SRPRB: variants seen among roughly 807,000 people sequenced by gnomAD.
SRPRB encodes the protein signal recognition particle receptor subunit beta.
Under a neutral mutation model 31.9 loss-of-function variants are expected in SRPRB, and 20 were observed. The ratio of observed to expected loss-of-function variants is 0.63; its 90% CI spans 0.44 to 0.91. The LOEUF (loss-of-function observed/expected upper bound fraction) is 0.91, where lower values mean the gene tolerates loss of function less well. SRPRB is among the 40% of genes least tolerant of loss of function. SRPRB has a pLI of 0.00. For synonymous variants in SRPRB, 146 were observed against 132.8 expected, an observed-to-expected ratio of 1.10 and a Z score of -0.68; for missense variants, 321 against 324.9, an observed-to-expected ratio of 0.99 and a Z score of 0.09.
At chr3:133,819,350 A>ACGCC in intron 6 of SRPRB, among the ~76,000 whole-genome samples, 1 of 146,258 alleles carries the variant, frequency 6.8e-6, no homozygotes, top group South Asian at 2.3e-4. Context: ...GTGAGGTCTG[A>ACGCC]CCCCCCCAGC....
At chr3:133,815,277 A>T (rs1174435341) in intron 4 of SRPRB, among the ~76,000 whole-genome samples, 1 of 152,086 alleles carries the variant, frequency 6.6e-6, no homozygotes, top group Non-Finnish European at 1.5e-5. Flanking sequence ...CTTTCTCTTT[A>T]TTCCTGTTAC....
At chr3:133,792,414 T>C (rs1934863295) in intron 1 of SRPRB, 1 of 152,240 alleles carries the variant, frequency 6.6e-6, no homozygotes, top group East Asian at 1.9e-4. Context: ...AAATGCTTCA[T>C]AAAATGCCAC....
chr3:133,828,191 T>C (rs1283833756), downstream of SRPRB: 10 of 577,026 alleles, frequency 1.7e-5, no homozygotes, highest in Non-Finnish European at 3.1e-5. Context: ...ACTCTGGCCA[T>C]GGAAAGACAA....
chr3:133,819,414 G>T, intron 6 of SRPRB, 139 bp from the exon 7 acceptor site: 1 of 596,250 alleles, frequency 1.7e-6, no homozygotes, highest in Non-Finnish European at 2.7e-6. Context: ...AAATGCAAAG[G>T]ATTATTCAAC....
chr3:133,807,769 C>G lies in SRPRB; in HGVS notation c.273C>G (p.Asp91Glu), dbSNP rs373071143. Residue 91 changes from aspartate (D) to glutamate (E), a missense_variant, in exon 3 of 7, where the codon GAC becomes GAG. Transcript: ENST00000678299. ...FVRLLTGLYRDTQTSITDSCA... is the reference protein window; with the variant it reads ...FVRLLTGLYRETQTSITDSCA... ...AGTTGTTAACAGGCCTTTATAGAGA[C>G]ACTCAGACGTCCATTACTGACAGCT... 4.3e-6 allele frequency: 7 copies of G among 1,612,496 alleles called. No individual in the cohort carries two copies. The African/African-American group carries it at 6.7e-5, about 15-fold the overall frequency.
chr3:133,822,640 T>G (rs1421778807), downstream of SRPRB, among the ~76,000 whole-genome samples: 1 of 152,238 alleles, frequency 6.6e-6, no homozygotes, highest in Non-Finnish European at 1.5e-5. Context: ...CTGCCTTGTA[T>G]GAAGCGCTGG....
At chr3:133,799,592 C>T (rs1037751253) in intron 1 of SRPRB, among the ~76,000 whole-genome samples, 7 of 151,708 alleles carry the variant, frequency 4.6e-5, no homozygotes, top group Non-Finnish European at 8.8e-5. Context: ...AGATCTATTA[C>T]CTCAATTACT....
At chr3:133,816,850 C>T in intron 5 of SRPRB, 28 bp from the exon 6 acceptor site, 1 of 1,591,042 alleles carries the variant, frequency 6.3e-7, no homozygotes, top group Non-Finnish European at 8.6e-7. Flanking sequence ...CTCGTTTAAA[C>T]TACAACAGTG....
intron 1 of SRPRB, chr3:133,788,198 C>T (rs927596988): frequency 4.6e-5 from 7 of 152,204 alleles, no homozygotes; most frequent in African/African-American, 1.7e-4. Flanking sequence ...CATATACTCT[C>T]CAACAGAGTA....
intron 2 of SRPRB, 68 bp from the exon 3 acceptor site, chr3:133,807,678 G>C (rs1364674173): frequency 9.4e-7 from 1 of 1,063,438 alleles, no homozygotes; most frequent in Non-Finnish European, 1.5e-6. Context: ...GGGAGACTTA[G>C]AATAATATAA....
intron 1 of SRPRB, among the ~76,000 whole-genome samples, chr3:133,800,487 G>A (rs147333002): frequency 5.1e-3 from 779 of 152,292 alleles, no homozygotes; most frequent in Middle Eastern, 0.02. Flanking sequence ...TAAGGGACTG[G>A]AGGGAGCTGC....
At chr3:133,806,050 C>T (rs1448606560) in intron 1 of SRPRB, 48 bp downstream of exon 1, 7 of 1,589,560 alleles carry the variant, frequency 4.4e-6, no homozygotes, top group African/African-American at 4.0e-5. Flanking sequence ...GGCAGAGGTC[C>T]GGGCTTTGGC....
At chr3:133,817,871 A>C (rs1935393887) in intron 6 of SRPRB, among the ~76,000 whole-genome samples, 2 of 152,220 alleles carry the variant, frequency 1.3e-5, no homozygotes, top group Admixed American at 1.3e-4. Context: ...GGTAGAATCT[A>C]GTCAGCTTCG....
At chr3:133,802,688 TC>T (rs1174212007), upstream of SRPRB, among the ~76,000 whole-genome samples, 1 of 152,212 alleles carries the variant, frequency 6.6e-6, no homozygotes, top group Non-Finnish European at 1.5e-5. Context: ...TGGGTTCCTT[TC>T]CTCATTCTTC....
Position 133,816,907 on chromosome 3 carries a change from A to G in SRPRB, c.577A>G (p.Ile193Val). 1 of 1,611,296 alleles carries G rather than the reference A, an allele frequency of 6.2e-7. No individual in the cohort carries two copies. The highest frequency in any genetic ancestry group is 1.1e-5 in the South Asian group (1 of 90,382). ...DIAMAKSAKL[I>V]QQQLEKELNT... is the part of the protein sequence containing the mutation. The stretch of plus-strand genomic sequence containing the variant: ...TGCAATGGCAAAATCAGCAAAGTTA[A>G]TTCAACAGCAGCTGGAGAAAGAACT... Residue 193 changes from isoleucine (I) to valine (V), a missense_variant, in exon 6 of 7, where the codon ATT (isoleucine) becomes GTT (valine). Physicochemically the swap from Ile to Val is conservative, Grantham distance 29. Transcript: ENST00000678299.
At chr3:133,806,777 C>A in intron 2 of SRPRB, 74 bp downstream of exon 2, 2 of 1,160,268 alleles carry the variant, frequency 1.7e-6, no homozygotes, top group African/African-American at 1.5e-5. Flanking sequence ...TGTCATCTCA[C>A]GGTTTATTTT....
At chr3:133,806,780 T>C (rs1047645015) in intron 2 of SRPRB, 77 bp downstream of exon 2, 1 of 1,147,850 alleles carries the variant, frequency 8.7e-7, no homozygotes, top group South Asian at 1.4e-5. Context: ...CATCTCACGG[T>C]TTATTTTGTA....
downstream of SRPRB, among the ~76,000 whole-genome samples, chr3:133,822,859 C>T (rs376009264): frequency 1.3e-5 from 2 of 152,158 alleles, no homozygotes; most frequent in Non-Finnish European, 2.9e-5. Context: ...CATTTAAATG[C>T]GCAGGAAAAC....
At chr3:133,804,981 A>G (rs1935123889), upstream of SRPRB, among the ~76,000 whole-genome samples, 1 of 152,220 alleles carries the variant, frequency 6.6e-6, no homozygotes, top group Non-Finnish European at 1.5e-5. Context: ...AATGCTTTCA[A>G]TTACCTACAG....
Sources: gnomAD v4.1 joint callset for allele counts (sites outside exome capture counted in the v4.1 genomes callset) on GRCh38, gnomAD v4.1.1 for gene constraint, MANE v1.5 for transcripts, NCBI Gene and HGNC (gene_info 2026-07-23, HGNC 2026-07-21) for gene names.